NEK5: variants seen among roughly 807,000 people sequenced by gnomAD.
NEK5 encodes NIMA related kinase 5.
A neutral mutation model predicts 109.2 loss-of-function variants in NEK5; 88 were observed. That is an observed-to-expected ratio of 0.81 (90% confidence interval 0.68 to 0.96). The LOEUF (loss-of-function observed/expected upper bound fraction) is 0.96. NEK5 is among the 40% of genes least tolerant of loss of function. The pLI is 0.00. For synonymous variants in NEK5, 283 were observed against 299.9 expected, an observed-to-expected ratio of 0.94 and a Z score of 0.58; for missense variants, 834 against 920.7, an observed-to-expected ratio of 0.91 and a Z score of 1.22.
At chr13:52,055,019 C>G (rs1329101059) in intron 22 of NEK5, among the ~76,000 whole-genome samples, 2 of 152,174 alleles carry the variant, frequency 1.3e-5, no homozygotes, top group Non-Finnish European at 2.9e-5. Context: ...GGAGGACATT[C>G]AAACCAAAGG....
rs538003047 is a variant in NEK5 at position 52,067,972 on chromosome 13, A to T, written c.1850-2363T>A. ...CTCCCAAAGTGCTGGGATTACAGGC[A>T]TGAACTACCATGCCTGGTCAACCAT... is the stretch of plus-strand genomic sequence containing the variant. On this transcript the variant is annotated intron_variant, in intron 20 of 23. Transcript: ENST00000684899. Among the ~76,000 whole-genome samples the T allele has an allele frequency of 3.0e-4, 45 of 152,166 alleles. No homozygotes were observed. In the South Asian group the frequency reaches 9.1e-3, roughly 31 times the overall value.
intron 17 of NEK5, among the ~76,000 whole-genome samples, chr13:52,080,653 C>T (rs1197088744): frequency 1.3e-5 from 2 of 152,020 alleles, no homozygotes; most frequent in Admixed American, 6.6e-5. Flanking sequence ...GGATTAAGGG[C>T]GGTGCAAGAT....
chr13:52,087,575 G>GT (rs1001574745), intron 14 of NEK5, 121 bp from the exon 15 acceptor site: 130 of 520,464 alleles, frequency 2.5e-4, no homozygotes, highest in South Asian at 4.3e-4. Flanking sequence ...GTATTTGGGA[G>GT]TTTTTTTTGT....
intron 3 of NEK5, among the ~76,000 whole-genome samples, chr13:52,124,599 C>T: frequency 6.6e-6 from 1 of 151,948 alleles, no homozygotes; most frequent in Non-Finnish European, 1.5e-5. Flanking sequence ...TGAATAAACT[C>T]CTAATTTCTT....
At chr13:52,092,611 C>G (rs1364128768) in intron 13 of NEK5, among the ~76,000 whole-genome samples, 1 of 151,980 alleles carries the variant, frequency 6.6e-6, no homozygotes, top group Non-Finnish European at 1.5e-5. Context: ...CATGGCCAGG[C>G]ATGGTGGCTC....
chr13:52,092,510 A>G (rs974100984), intron 13 of NEK5, among the ~76,000 whole-genome samples: 1 of 152,100 alleles, frequency 6.6e-6, no homozygotes, highest in Non-Finnish European at 1.5e-5. Flanking sequence ...GGATCACATG[A>G]GGTCAGTGGC....
At chr13:52,063,946 G>A (rs1431359067) in intron 21 of NEK5, among the ~76,000 whole-genome samples, 1 of 150,606 alleles carries the variant, frequency 6.6e-6, no homozygotes, top group Non-Finnish European at 1.5e-5. Context: ...CGGGAGGGAG[G>A]TGGGGGGGTC....
chr13:52,040,136 G>A (rs917796759), intron 23 of NEK5, among the ~76,000 whole-genome samples: 1 of 147,560 alleles, frequency 6.8e-6, no homozygotes, highest in African/African-American at 2.5e-5. Flanking sequence ...CCAGGCTTGA[G>A]TGCAATGGCT....
intron 14 of NEK5, among the ~76,000 whole-genome samples, chr13:52,088,349 G>C (rs1955200487): frequency 6.6e-6 from 1 of 151,860 alleles, no homozygotes; most frequent in Admixed American, 6.6e-5. Flanking sequence ...CCTCCTCCTG[G>C]GTTCAAGTAA....
intron 22 of NEK5, among the ~76,000 whole-genome samples, chr13:52,054,684 G>A (rs1439932961): frequency 4.2e-4 from 63 of 150,236 alleles, no homozygotes; most frequent in African/African-American, 1.5e-3. Flanking sequence ...CCCCAGCAGG[G>A]GCAGACTGAC....
chr13:52,051,377 G>A (rs955664906), intron 22 of NEK5, among the ~76,000 whole-genome samples: 11 of 152,094 alleles, frequency 7.2e-5, no homozygotes. Context: ...ATCTGCAGGA[G>A]ACTTCTAATG....
At chr13:52,070,647 C>T (rs1481495136) in intron 20 of NEK5, among the ~76,000 whole-genome samples, 1 of 152,198 alleles carries the variant, frequency 6.6e-6, no homozygotes, top group African/African-American at 2.4e-5. Context: ...CCATGTGGAA[C>T]TGTAAGTCCA....
chr13:52,102,686 C>A (rs922261294), intron 9 of NEK5, among the ~76,000 whole-genome samples: 10 of 152,154 alleles, frequency 6.6e-5, no homozygotes, highest in Admixed American at 5.9e-4. Flanking sequence ...GAGTGAGACC[C>A]TGTCTCAATC....
chr13:52,036,904 T>C lies in NEK5; in HGVS notation c.*44A>G, dbSNP rs965252149. On this transcript the variant is annotated 3_prime_UTR_variant, in exon 24 of 24. Coordinates refer to ENST00000684899, the MANE Select transcript of NEK5 (RefSeq NM_001365552.1). ...ATGACTTGTACCCAAATAAATACTATAGGTAATAGACACTAACTTATTACT... is the reference window on the plus strand; with the variant it reads ...ATGACTTGTACCCAAATAAATACTACAGGTAATAGACACTAACTTATTACT... 5.6e-6 allele frequency: 5 copies of C among 899,592 alleles called. No homozygotes were observed. Among genetic ancestry groups the C allele is most frequent in the East Asian group, 1.2e-4 (1 of 8,386 alleles). The allele number at this position is 899,592 out of a possible 1,614,324, so 55.7% of individuals were successfully genotyped here. A position where few individuals can be genotyped will look rare whatever the true frequency, so the allele number is the denominator to read the frequency against.
chr13:52,120,031 C>A (rs927593091), intron 3 of NEK5, among the ~76,000 whole-genome samples: 1 of 152,140 alleles, frequency 6.6e-6, no homozygotes, highest in South Asian at 2.1e-4. Flanking sequence ...ACTCTTGATG[C>A]TTTGCTGACT....
At chr13:52,076,013 TC>T (rs778735123) in intron 18 of NEK5, 49 bp downstream of exon 18, 9 of 1,194,988 alleles carry the variant, frequency 7.5e-6, no homozygotes, top group Non-Finnish European at 8.5e-6. Flanking sequence ...ACAAGGTGGC[TC>T]CCCAGCCAGC....
intron 12 of NEK5, among the ~76,000 whole-genome samples, chr13:52,097,302 T>G (rs938150295): frequency 2.0e-5 from 3 of 152,100 alleles, no homozygotes; most frequent in African/African-American, 7.2e-5. Context: ...TTCTCCTGAC[T>G]CCAAAAACGG....
At chr13:52,087,242 G>T in intron 15 of NEK5, 96 bp downstream of exon 15, 1 of 646,984 alleles carries the variant, frequency 1.5e-6, no homozygotes, top group Admixed American at 2.2e-5. Flanking sequence ...CATATTCAGG[G>T]GCACTGTAGG....
rs375302075 is a variant in NEK5 at position 52,063,078 on chromosome 13, C to T, written c.1976-1125G>A. ...TCTCCCCACGGTCCCCCTCTCCCCA[C>T]GGTCTCCCTCTCCCTCTCTTTCCAC... On this transcript the variant is annotated intron_variant, in intron 21 of 23. Coordinates refer to ENST00000684899, the MANE Select transcript of NEK5 (RefSeq NM_001365552.1). 6.0e-5 allele frequency among the ~76,000 whole-genome samples: 9 copies of T among 150,980 alleles called. No homozygotes were observed. The South Asian group carries it at 1.3e-3, about 21-fold the overall frequency.
Sources: allele counts gnomAD v4.1 joint callset (sites outside exome capture counted in the v4.1 genomes callset), GRCh38; gene constraint gnomAD v4.1.1; transcripts MANE v1.5; gene names NCBI Gene and HGNC (gene_info 2026-07-23, HGNC 2026-07-21).